MEGF10: variants seen among roughly 807,000 people sequenced by gnomAD.
The protein encoded by MEGF10 is multiple EGF like domains 10.
In MEGF10, 86 loss-of-function variants were observed where a neutral mutation model predicts 147.5. That is an observed-to-expected ratio of 0.58 (90% CI 0.49 to 0.70). MEGF10 has a LOEUF of 0.70. Among genes scored for constraint, MEGF10 ranks in the 30% least tolerant of loss-of-function variants. The pLI is 0.00. For missense variants in MEGF10, 1,329 were observed against 1,487.3 expected (o/e 0.89, Z 1.75); for synonymous variants, 478 against 525.5 (o/e 0.91, Z 1.24).
intron 5 of MEGF10, among the ~76,000 whole-genome samples, chr5:127,378,036 T>C (rs1763100420): frequency 1.3e-5 from 2 of 152,130 alleles, no homozygotes; most frequent in Admixed American, 1.3e-4. Context: ...AGACAGAAAC[T>C]GCTGATTTTG....
At chr5:127,419,397 T>C (rs1053511859) in intron 11 of MEGF10, among the ~76,000 whole-genome samples, 157 bp downstream of exon 11, 1 of 152,198 alleles carries the variant, frequency 6.6e-6, no homozygotes, top group African/African-American at 2.4e-5. Context: ...CTGGAACGCT[T>C]TCCTGAGTGA....
intron 1 of MEGF10, among the ~76,000 whole-genome samples, chr5:127,293,003 A>T (rs182023813): frequency 6.6e-6 from 1 of 152,334 alleles, no homozygotes; most frequent in Non-Finnish European, 1.5e-5. Context: ...ATAAGAGCAC[A>T]TAAAAAGCAC....
At chr5:127,455,641 C>A (rs770598804) in intron 24 of MEGF10, 34 bp downstream of exon 24, 2 of 1,579,518 alleles carry the variant, frequency 1.3e-6, no homozygotes, top group South Asian at 2.3e-5. Context: ...GAACCGAGTG[C>A]TTAAGTTTTT....
At chr5:127,415,475 C>T (rs1017638951) in intron 9 of MEGF10, among the ~76,000 whole-genome samples, 22 of 152,074 alleles carry the variant, frequency 1.4e-4, no homozygotes, top group African/African-American at 5.1e-4. Context: ...GAAGGCTGTT[C>T]AGGAGGTGAG....
At chr5:127,452,639 C>T (rs1336303706) in intron 22 of MEGF10, among the ~76,000 whole-genome samples, 1 of 152,124 alleles carries the variant, frequency 6.6e-6, no homozygotes, top group Admixed American at 6.5e-5. Flanking sequence ...TAGTCTTTCC[C>T]CTTCCAGAGG....
At chr5:127,235,700 T>C in the MEGF10 span, among the ~76,000 whole-genome samples, 6 of 152,360 alleles carry the variant, frequency 3.9e-5, no homozygotes, top group South Asian at 1.2e-3. Context: ...TTTTGGTACC[T>C]GCACCAAATC....
chr5:127,276,335 C>G, the MEGF10 span, among the ~76,000 whole-genome samples: 1 of 152,188 alleles, frequency 6.6e-6, no homozygotes, highest in Non-Finnish European at 1.5e-5. Flanking sequence ...GGGTAAATAA[C>G]AAGGCAGGCT....
chr5:127,369,873 C>A, intron 4 of MEGF10, 37 bp from the exon 5 acceptor site: 1 of 1,550,818 alleles, frequency 6.4e-7, no homozygotes, highest in Non-Finnish European at 8.8e-7. Context: ...TTTTCTTGTG[C>A]CAACTTTCTT....
At chr5:127,311,956 G>A (rs1330487817) in intron 1 of MEGF10, among the ~76,000 whole-genome samples, 5 of 152,266 alleles carry the variant, frequency 3.3e-5, no homozygotes, top group Middle Eastern at 3.4e-3. Flanking sequence ...TCAGTGTTGC[G>A]TGCACTTTAA....
At chr5:127,367,956 A>T (rs1762717340) in intron 4 of MEGF10, among the ~76,000 whole-genome samples, 1 of 152,190 alleles carries the variant, frequency 6.6e-6, no homozygotes, top group Non-Finnish European at 1.5e-5. Context: ...GCACTGTTAG[A>T]CCCAAGCCTA....
chr5:127,233,555 A>T, the MEGF10 span, among the ~76,000 whole-genome samples: 1 of 152,250 alleles, frequency 6.6e-6, no homozygotes, highest in Non-Finnish European at 1.5e-5. Flanking sequence ...ACAAATTAAT[A>T]GTTCAATAAA....
the MEGF10 span, among the ~76,000 whole-genome samples, chr5:127,254,178 CTATT>C: frequency 2.6e-5 from 4 of 152,136 alleles, no homozygotes; most frequent in Admixed American, 6.6e-5. Context: ...TGAATATTAT[CTATT>C]GACTTCCTAC....
At chr5:127,341,301 C>T (rs1176831352) in intron 4 of MEGF10, among the ~76,000 whole-genome samples, 8 of 152,078 alleles carry the variant, frequency 5.3e-5, no homozygotes, top group Admixed American at 3.3e-4. Context: ...GAAGAGAGAT[C>T]ATTAAAGACT....
In MEGF10 at chr5:127,434,815, A is replaced by G. The variant is rs1027595203; in HGVS notation, c.1969A>G (p.Asn657Asp). Residue 657 changes from asparagine to aspartate, a missense_variant, in exon 15 of 25, where the codon AAT (asparagine) becomes GAT (aspartate). This residue lies in a region of MEGF10 where 980 missense variants were observed against 1,085.9 expected (regional missense o/e 0.90). Coordinates refer to ENST00000503335, the MANE Select transcript of MEGF10 (RefSeq NM_001256545.2). ...CLPGFTGALC[N>D]EVCPSGRFGK... ...GCCTGGCTTCACAGGCGCCCTCTGC[A>G]ATGAAGGTAAGGCACGAAGCATCCC... 6.2e-7 allele frequency: 1 copy of G among 1,612,650 alleles called. No individual in the cohort carries two copies. The highest frequency in any genetic ancestry group is 8.5e-7 in the Non-Finnish European group (1 of 1,179,948).
Position 127,440,882 on chromosome 5 carries a change from G to A in MEGF10, c.2362+15G>A. ...CTGTGAGCAGAGTAAGTATGAGAGT[G>A]TGGCATCACTGGGTGGTATTTTTTT... On this transcript the variant is annotated intron_variant, in intron 18 of 24. Transcript: ENST00000503335. 8 of 1,609,514 alleles carry A rather than the reference G, an allele frequency of 5.0e-6. No individual in the cohort carries two copies. The highest frequency in any genetic ancestry group is 6.8e-6 in the Non-Finnish European group (8 of 1,177,832).
At position 127,457,823 on chromosome 5, in the gene MEGF10, A is replaced by G. The variant is rs1766422022; in HGVS notation, c.*505A>G. 3 of 153,902 alleles carry G rather than the reference A, an allele frequency of 1.9e-5. No individual in the cohort carries two copies. The highest frequency in any genetic ancestry group is 1.9e-4 in the Admixed American group (3 of 15,712). 9.5% of individuals were successfully genotyped at this position (153,902 alleles called of 1,614,324 possible). On this transcript the variant is annotated 3_prime_UTR_variant, in exon 25 of 25. Transcript: ENST00000503335. ...CTTAACTTTATTCAACTGGACTCAG[A>G]ATTGTAGGGATAATATGAATGCAGG...
chr5:127,420,919 T>G (rs2126975345), intron 12 of MEGF10, among the ~76,000 whole-genome samples: 1 of 152,328 alleles, frequency 6.6e-6, no homozygotes, highest in African/African-American at 2.4e-5. Flanking sequence ...GTTCTCTGCC[T>G]CCAGGACATC....
Position 127,457,037 on chromosome 5 carries a change from C to T in MEGF10, c.3233-91C>T, listed in dbSNP as rs955186751. ...TTTCCTTATATTTTTTTAAAAGTCC[C>T]TTTGGTGTGTTTGACATTTGCAAGA... is the stretch of plus-strand genomic sequence containing the variant. On this transcript the variant is annotated intron_variant, in intron 24 of 24. Coordinates refer to ENST00000503335, the MANE Select transcript of MEGF10 (RefSeq NM_001256545.2). 9.4e-6 allele frequency: 12 copies of T among 1,282,388 alleles called. 1 individual carries two copies. The highest frequency in any genetic ancestry group is 1.3e-5 in the Non-Finnish European group (12 of 943,160). 79.4% of individuals were successfully genotyped at this position (1,282,388 alleles called of 1,614,324 possible).
chr5:127,421,599 G>A (rs1373816159), intron 12 of MEGF10, among the ~76,000 whole-genome samples: 1 of 152,056 alleles, frequency 6.6e-6, no homozygotes, highest in Non-Finnish European at 1.5e-5. Flanking sequence ...CCAAACTGAC[G>A]TGCACATGAA....
Sources: allele counts gnomAD v4.1 joint callset (sites outside exome capture counted in the v4.1 genomes callset), GRCh38; gene constraint gnomAD v4.1.1; regional missense constraint gnomAD v4.1.1; transcripts MANE v1.5; gene names NCBI Gene and HGNC (gene_info 2026-07-23, HGNC 2026-07-21).